The following SUCO variants were observed in gnomAD, a reference collection of about 807,000 sequenced individuals.
SUCO encodes the protein SUN domain-containing ossification factor.
SUCO carries 57 observed loss-of-function variants against 148.1 expected under a neutral mutation model. The observed-to-expected ratio is 0.38, with a 90% CI of 0.31 to 0.48. The LOEUF is 0.48. SUCO is among the 20% of genes least tolerant of loss of function. The pLI, the probability that SUCO is intolerant of heterozygous loss-of-function variation, is 0.96. For synonymous variants in SUCO, 470 were observed against 502.7 expected, an observed-to-expected ratio of 0.93 and a Z score of 0.87; for missense variants, 1,331 against 1,468.2, an observed-to-expected ratio of 0.91 and a Z score of 1.53.
At chr1:172,555,307 G>A in intron 3 of SUCO, 3 of 755,770 alleles carry the variant, frequency 4.0e-6, no homozygotes, top group Non-Finnish European at 3.2e-6. Flanking sequence ...GTTGATCTTG[G>A]AGGAGGAGGT....
At chr1:172,550,397 A>G (rs1338530201) in intron 1 of SUCO, among the ~76,000 whole-genome samples, 5 of 152,014 alleles carry the variant, frequency 3.3e-5, no homozygotes, top group African/African-American at 1.2e-4. Context: ...TCTATCATAA[A>G]TGAGTCCTTG....
intron 18 of SUCO, 99 bp from the exon 19 acceptor site, chr1:172,590,885 A>AT (rs1419374022): frequency 1.1e-5 from 9 of 797,756 alleles, no homozygotes; most frequent in Non-Finnish European, 1.6e-5. Context: ...TTTCAGAAAA[A>AT]TAGATTTGTC....
intron 6 of SUCO, chr1:172,568,522 T>A: frequency 1.2e-6 from 1 of 825,488 alleles, no homozygotes. Context: ...AATTTTCTTC[T>A]AAAATGTAAA....
intron 19 of SUCO, among the ~76,000 whole-genome samples, chr1:172,599,222 G>A (rs979123376): frequency 9.2e-5 from 14 of 152,170 alleles, no homozygotes; most frequent in African/African-American, 3.1e-4. Flanking sequence ...CCAGCTACTC[G>A]GGAGGCTGAG....
intron 1 of SUCO, among the ~76,000 whole-genome samples, chr1:172,545,150 A>G (rs771904166): frequency 2.6e-5 from 4 of 152,138 alleles, no homozygotes; most frequent in Non-Finnish European, 5.9e-5. Flanking sequence ...GGAGGAAGAG[A>G]TTTGGAAAAG....
chr1:172,564,344 C>T (rs1211383021), intron 6 of SUCO, among the ~76,000 whole-genome samples: 1 of 152,244 alleles, frequency 6.6e-6, no homozygotes, highest in African/African-American at 2.4e-5. Flanking sequence ...CACTCAACAC[C>T]AGCTCCTGAA....
chr1:172,585,145 A>C, intron 16 of SUCO, 59 bp downstream of exon 16: 1 of 1,299,460 alleles, frequency 7.7e-7, no homozygotes, highest in South Asian at 1.5e-5. Flanking sequence ...CCTTATATTT[A>C]GGAAAATCAA....
chr1:172,608,871 A>C, intron 23 of SUCO, 69 bp downstream of exon 23: 3 of 1,072,336 alleles, frequency 2.8e-6, no homozygotes, highest in Non-Finnish European at 4.2e-6. Flanking sequence ...AGAGGTTGAA[A>C]GGTTTAAGGT....
At chr1:172,593,025 T>G (rs1656788150) in intron 19 of SUCO, among the ~76,000 whole-genome samples, 1 of 152,178 alleles carries the variant, frequency 6.6e-6, no homozygotes, top group Non-Finnish European at 1.5e-5. Context: ...TATTTTATTC[T>G]CTTTGAAGCA....
chr1:172,557,263 C>T lies in SUCO; in HGVS notation c.444-17C>T. Reference sequence around the variant, plus strand: ...TTTATTTAATTACCAGATTATGTTTCTTGTTTCTTTTTTTAGTGAAATAGA... The same window carrying T: ...TTTATTTAATTACCAGATTATGTTTTTTGTTTCTTTTTTTAGTGAAATAGA... On this transcript the variant is annotated splice_polypyrimidine_tract_variant and intron_variant, in intron 4 of 23. Coordinates refer to ENST00000263688, the MANE Select transcript of SUCO (RefSeq NM_014283.5). The T allele has an allele frequency of 2.5e-6, 4 of 1,608,290 alleles. No individual in the cohort carries two copies. The highest frequency in any genetic ancestry group is 3.4e-6 in the Non-Finnish European group (4 of 1,177,016).
At chr1:172,563,992 T>G (rs1461113601) in intron 6 of SUCO, among the ~76,000 whole-genome samples, 1 of 152,272 alleles carries the variant, frequency 6.6e-6, no homozygotes, top group Non-Finnish European at 1.5e-5. Flanking sequence ...AGGCCATTGC[T>G]TCAAAGGGTG....
In SUCO at chr1:172,556,001, A is replaced by G; in HGVS notation, c.421A>G (p.Ile141Val). The change falls in exon 4 of 24, where the codon ATC becomes GTC. Residue 141 changes from isoleucine (I) to valine (V), a missense_variant. Physicochemically the swap from Ile to Val is conservative, Grantham distance 29 (BLOSUM62 3). This residue lies in a region of SUCO where 992 missense variants were observed against 1,093.5 expected (regional missense o/e 0.91). Coordinates refer to ENST00000263688, the MANE Select transcript of SUCO (RefSeq NM_014283.5). ...TATTTCCAGCTCATCTACCTCAGAA[A>G]TCACTCCAATCTCAAAGCTTGAGTA... ...ENISSSSTSE[I>V]TPISKLDEIE... The G allele has an allele frequency of 6.2e-7, 1 of 1,612,962 alleles. No individual in the cohort carries two copies. Among genetic ancestry groups the G allele is most frequent in the Non-Finnish European group, 8.5e-7 (1 of 1,179,434 alleles).
chr1:172,592,854 A>T (rs963641860), intron 19 of SUCO, among the ~76,000 whole-genome samples: 4 of 152,192 alleles, frequency 2.6e-5, no homozygotes, highest in Non-Finnish European at 5.9e-5. Flanking sequence ...TTGAATCTAT[A>T]AATTATCTTG....
chr1:172,560,045 A>G (rs1343803379), intron 6 of SUCO, among the ~76,000 whole-genome samples: 1 of 152,236 alleles, frequency 6.6e-6, no homozygotes, highest in Non-Finnish European at 1.5e-5. Context: ...TTTACAGTGT[A>G]GGCCCTGTCT....
chr1:172,577,374 T>C (rs1271954333), intron 11 of SUCO, among the ~76,000 whole-genome samples, 165 bp from the exon 12 acceptor site: 1 of 151,784 alleles, frequency 6.6e-6, no homozygotes, highest in African/African-American at 2.4e-5. Context: ...TTTAAATCAT[T>C]GCTTTTATTT....
intron 15 of SUCO, among the ~76,000 whole-genome samples, chr1:172,581,561 T>A (rs774192981): frequency 6.6e-6 from 1 of 152,192 alleles, no homozygotes; most frequent in Non-Finnish European, 1.5e-5. Context: ...TCCAAGGTGG[T>A]ATAACTTGAA....
At chr1:172,604,709 A>G (rs1168471163) in intron 22 of SUCO, among the ~76,000 whole-genome samples, 2 of 151,488 alleles carry the variant, frequency 1.3e-5, no homozygotes, top group East Asian at 3.9e-4. Flanking sequence ...CCACTATTCT[A>G]TTTTCTGTTT....
chr1:172,560,360 T>G (rs1654061594), intron 6 of SUCO, among the ~76,000 whole-genome samples: 1 of 152,242 alleles, frequency 6.6e-6, no homozygotes, highest in Admixed American at 6.5e-5. Context: ...TTTTGAATGT[T>G]AATCTCAACC....
At chr1:172,587,840 G>C (rs1328340701) in intron 17 of SUCO, among the ~76,000 whole-genome samples, 1 of 151,878 alleles carries the variant, frequency 6.6e-6, no homozygotes, top group Non-Finnish European at 1.5e-5. Context: ...TTTCATATTG[G>C]ACTTTTTATG....
Sources: gnomAD v4.1 joint callset for allele counts (sites outside exome capture counted in the v4.1 genomes callset) on GRCh38, gnomAD v4.1.1 for gene constraint, gnomAD v4.1.1 regional missense constraint, MANE v1.5 for transcripts, NCBI Gene and HGNC (gene_info 2026-07-23, HGNC 2026-07-21) for gene names.